PARD6B: variants seen among roughly 807,000 people sequenced by gnomAD.
PARD6B encodes partitioning defective 6 homolog beta.
Under a neutral mutation model 10.5 loss-of-function variants are expected in PARD6B, and 4 were observed. The observed-to-expected ratio is 0.38, with a 90% CI of 0.19 to 0.87. The LOEUF is 0.87. PARD6B is among the 40% of genes least tolerant of loss of function. PARD6B has a pLI of 0.41. For synonymous variants in PARD6B, 169 were observed against 170.4 expected (o/e 0.99, Z 0.07); for missense variants, 396 against 470.6 (o/e 0.84, Z 1.47).
Position 50,749,907 on chromosome 20 carries a change from A to G in PARD6B, c.538A>G (p.Arg180Gly). The change falls in exon 3 of 3, where the codon AGG becomes GGG. Residue 180 changes from arginine (R) to glycine (G), a missense_variant. Arg to Gly is a moderately radical substitution (Grantham distance 125). Transcript: ENST00000371610. ...CTACATCCGGGATGGCTCCAGTGTC[A>G]GGGTAACACCACATGGCTTAGAAAA... ...GFYIRDGSSV[R>G]VTPHGLEKVP... The G allele has an allele frequency of 6.2e-7, 1 of 1,614,254 alleles. No homozygotes were observed. Among genetic ancestry groups the G allele is most frequent in the Non-Finnish European group, 8.5e-7 (1 of 1,180,052 alleles).
intron 1 of PARD6B, among the ~76,000 whole-genome samples, chr20:50,735,044 G>A (rs1484719752): frequency 1.3e-5 from 2 of 152,158 alleles, no homozygotes; most frequent in Non-Finnish European, 2.9e-5. Context: ...CAGCTACTCC[G>A]GAGGCTGATG....
At position 50,752,938 on chromosome 20, in the gene PARD6B, C is replaced by T. The variant is rs982945582; in HGVS notation, c.*2450C>T. On this transcript the variant is annotated 3_prime_UTR_variant, in exon 3 of 3. Coordinates refer to ENST00000371610, the MANE Select transcript of PARD6B (RefSeq NM_032521.3). ...ATTTTTAATGGCATTCCGGCTTTAACATTCTGTGAGTCTTACAAATTTGAC... is the reference window on the plus strand; with the variant it reads ...ATTTTTAATGGCATTCCGGCTTTAATATTCTGTGAGTCTTACAAATTTGAC... 1 of 983,674 alleles carries T rather than the reference C, an allele frequency of 1.0e-6. No individual in the cohort carries two copies. The highest frequency in any genetic ancestry group is 1.2e-6 in the Non-Finnish European group (1 of 827,950). 60.9% of individuals were successfully genotyped at this position (983,674 alleles called of 1,614,324 possible).
At chr20:50,736,983 C>G (rs2087502886) in intron 1 of PARD6B, among the ~76,000 whole-genome samples, 3 of 152,186 alleles carry the variant, frequency 2.0e-5, no homozygotes, top group Admixed American at 6.5e-5. Context: ...CAGATGTGAG[C>G]CATCGCGCCT....
Position 50,753,004 on chromosome 20 carries a change from T to A in PARD6B, c.*2516T>A. ...TAATGTTAGTATGTAGAAGGTTAAC[T>A]TTCATTTATAATATAAGTGGTGCAG... On this transcript the variant is annotated 3_prime_UTR_variant, in exon 3 of 3. Transcript: ENST00000371610. 1.5e-5 allele frequency: 15 copies of A among 983,634 alleles called. No individual in the cohort carries two copies. The highest frequency in any genetic ancestry group is 1.8e-5 in the Non-Finnish European group (15 of 827,946). The allele number at this position is 983,634 out of a possible 1,614,324, so 60.9% of individuals were successfully genotyped here. A position where few individuals can be genotyped will look rare whatever the true frequency, so the allele number is the denominator to read the frequency against.
At chr20:50,742,131 C>T (rs2087534180) in intron 2 of PARD6B, among the ~76,000 whole-genome samples, 1 of 152,166 alleles carries the variant, frequency 6.6e-6, no homozygotes, top group Admixed American at 6.5e-5. Context: ...CCACTCACTG[C>T]AACCTCCGCC....
At position 50,752,500 on chromosome 20, in the gene PARD6B, G is replaced by C; in HGVS notation, c.*2012G>C. 1.0e-6 allele frequency: 1 copy of C among 985,476 alleles called. No homozygotes were observed. The highest frequency in any genetic ancestry group is 1.2e-6 in the Non-Finnish European group (1 of 829,888). 61.0% of individuals were successfully genotyped at this position (985,476 alleles called of 1,614,324 possible). On this transcript the variant is annotated 3_prime_UTR_variant, in exon 3 of 3. Coordinates refer to ENST00000371610, the MANE Select transcript of PARD6B (RefSeq NM_032521.3). Reference sequence around the variant, plus strand: ...CCACTTAGAACAAGCTAAGAGTAAGGCTGCTAACTTTAATTCCTTGCCTGA... The same window carrying C: ...CCACTTAGAACAAGCTAAGAGTAAGCCTGCTAACTTTAATTCCTTGCCTGA...
intron 2 of PARD6B, among the ~76,000 whole-genome samples, chr20:50,748,065 G>A (rs2123707523): frequency 6.6e-6 from 1 of 152,332 alleles, no homozygotes; most frequent in East Asian, 1.9e-4. Context: ...CCTGCTGGGC[G>A]AGGTGGCTCA....
At position 50,753,010 on chromosome 20, in the gene PARD6B, TTATAA is replaced by T; in HGVS notation, c.*2528_*2532del. 3.1e-6 allele frequency: 3 copies of T among 983,366 alleles called. No individual in the cohort carries two copies. Among genetic ancestry groups the T allele is most frequent in the Non-Finnish European group, 2.4e-6 (2 of 827,742 alleles). The allele number at this position is 983,366 out of a possible 1,614,324, so 60.9% of individuals were successfully genotyped here. Reference sequence around the variant, plus strand: ...TAGTATGTAGAAGGTTAACTTTCATTTATAATATAAGTGGTGCAGGGGTTCAACAT... The same window carrying T: ...TAGTATGTAGAAGGTTAACTTTCATTTATAAGTGGTGCAGGGGTTCAACAT... On this transcript the variant is annotated 3_prime_UTR_variant, in exon 3 of 3. Coordinates refer to ENST00000371610, the MANE Select transcript of PARD6B (RefSeq NM_032521.3).
intron 2 of PARD6B, among the ~76,000 whole-genome samples, chr20:50,742,032 G>A (rs2087533466): frequency 6.6e-6 from 1 of 152,072 alleles, no homozygotes. Flanking sequence ...CAGTAAGGCA[G>A]AAGTTACACT....
chr20:50,731,644 C>T lies in PARD6B; in HGVS notation c.-143C>T, dbSNP rs1314552617. On this transcript the variant is annotated 5_prime_UTR_variant, in exon 1 of 3. Transcript: ENST00000371610. ...GTGGAGCTCAGCGCGGACGCCGGAG[C>T]TGCGGCCGCCCCCTCTGCAGGTGCC... The T allele has an allele frequency of 1.1e-5, 6 of 571,146 alleles. No homozygotes were observed. The East Asian group carries it at 1.8e-4, about 17-fold the overall frequency. 35.4% of individuals were successfully genotyped at this position (571,146 alleles called of 1,614,324 possible).
chr20:50,739,708 A>G (rs571285822), intron 2 of PARD6B, among the ~76,000 whole-genome samples: 1 of 152,246 alleles, frequency 6.6e-6, no homozygotes, highest in Admixed American at 6.5e-5. Context: ...CCTGAGATGG[A>G]TCTCAAAGGT....
At position 50,750,954 on chromosome 20, in the gene PARD6B, A is replaced by ATTTTTTTTT. The variant is rs565068464; in HGVS notation, c.*490_*498dup. ...CTCATGTTCCCAATATTTTATTTTG[A>ATTTTTTTTT]TTTTTTTTTTTTTTTTTTTTTTTTT... On this transcript the variant is annotated 3_prime_UTR_variant, in exon 3 of 3. Transcript: ENST00000371610. 1.4e-3 allele frequency: 533 copies of ATTTTTTTTT among 387,784 alleles called. 63 individuals are homozygous for ATTTTTTTTT. Among genetic ancestry groups the ATTTTTTTTT allele is most frequent in the Admixed American group, 3.5e-3 (19 of 5,472 alleles). 24.0% of individuals were successfully genotyped at this position (387,784 alleles called of 1,614,324 possible). A position where few individuals can be genotyped will look rare whatever the true frequency, so the allele number is the denominator to read the frequency against.
At position 50,747,489 on chromosome 20, in the gene PARD6B, C is replaced by CTTTTT. The variant is rs58629233; in HGVS notation, c.290-2151_290-2147dup. On this transcript the variant is annotated intron_variant, in intron 2 of 2. Coordinates refer to ENST00000371610, the MANE Select transcript of PARD6B (RefSeq NM_032521.3). ...TTTCTTTTTCTTTTTTTCTTTCTTT[C>CTTTTT]TTTTTTTTTTTTTTTTTTTTTTTGC... Among the ~76,000 whole-genome samples the CTTTTT allele has an allele frequency of 3.9e-3, 129 of 33,352 alleles. 3 individuals are homozygous for CTTTTT. The highest frequency in any genetic ancestry group is 5.5e-3 in the East Asian group (4 of 726). The allele number at this position is 33,352 out of a possible 152,430, so 21.9% of individuals were successfully genotyped here.
At chr20:50,746,705 CA>C in intron 2 of PARD6B, among the ~76,000 whole-genome samples, 1 of 152,262 alleles carries the variant, frequency 6.6e-6, no homozygotes, top group East Asian at 1.9e-4. Context: ...AGAGAGCATT[CA>C]AATGGAGTCT....
At chr20:50,736,645 T>TA (rs1332474382) in intron 1 of PARD6B, among the ~76,000 whole-genome samples, 1 of 152,194 alleles carries the variant, frequency 6.6e-6, no homozygotes, top group Non-Finnish European at 1.5e-5. Context: ...CCCACAGTGT[T>TA]ATAAATCCTG....
chr20:50,739,792 T>C (rs1016146235), intron 2 of PARD6B, among the ~76,000 whole-genome samples: 9 of 101,076 alleles, frequency 8.9e-5, no homozygotes, highest in Non-Finnish European at 1.8e-4. Flanking sequence ...TGAATTGGAG[T>C]GGGCAGCAGT....
rs1463025520 is a variant in PARD6B at position 50,752,822 on chromosome 20, G to A, written c.*2334G>A. 3.1e-6 allele frequency: 3 copies of A among 978,038 alleles called. No homozygotes were observed. The African/African-American group carries it at 5.3e-5, about 17-fold the overall frequency. 60.6% of individuals were successfully genotyped at this position (978,038 alleles called of 1,614,324 possible). On this transcript the variant is annotated 3_prime_UTR_variant, in exon 3 of 3. Coordinates refer to ENST00000371610, the MANE Select transcript of PARD6B (RefSeq NM_032521.3). Reference sequence around the variant, plus strand: ...TGTATTTTGTTCACATTACCACTAAGCATATTATCAGTAAACTATTAACTG... The same window carrying A: ...TGTATTTTGTTCACATTACCACTAAACATATTATCAGTAAACTATTAACTG...
chr20:50,751,595 C>A lies in PARD6B; in HGVS notation c.*1107C>A, dbSNP rs189017935. 1.0e-6 allele frequency: 1 copy of A among 974,914 alleles called. No individual in the cohort carries two copies. The highest frequency in any genetic ancestry group is 1.1e-4 in the East Asian group (1 of 8,736). 60.4% of individuals were successfully genotyped at this position (974,914 alleles called of 1,614,324 possible). A position where few individuals can be genotyped will look rare whatever the true frequency, so the allele number is the denominator to read the frequency against. ...TCTCCTGACCTCCTGATCCGCCCGC[C>A]TCGGCCTCCCAAAGTGCTGGGATTA... On this transcript the variant is annotated 3_prime_UTR_variant, in exon 3 of 3. Transcript: ENST00000371610.
intron 2 of PARD6B, among the ~76,000 whole-genome samples, chr20:50,738,740 G>A (rs1458087623): frequency 2.0e-5 from 3 of 152,002 alleles, no homozygotes; most frequent in Non-Finnish European, 4.4e-5. Context: ...TATTGTGGAA[G>A]GATGTAAACA....
Sources: allele counts gnomAD v4.1 joint callset (sites outside exome capture counted in the v4.1 genomes callset), GRCh38; gene constraint gnomAD v4.1.1; transcripts MANE v1.5; gene names NCBI Gene and HGNC (gene_info 2026-07-23, HGNC 2026-07-21).